Variants in SFMBT2 observed in about 807,000 individuals in gnomAD.
The protein encoded by SFMBT2 is Scm like with four mbt domains 2.
Under a neutral mutation model 110.1 loss-of-function variants are expected in SFMBT2, and 38 were observed. The ratio of observed to expected loss-of-function variants is 0.35; its 90% CI spans 0.27 to 0.45. The LOEUF (loss-of-function observed/expected upper bound fraction) is 0.45, where lower values mean the gene tolerates loss of function less well. Ranked by LOEUF, SFMBT2 falls within the 20% of genes least tolerant of loss-of-function variation. The pLI is 1.00. For missense variants in SFMBT2, 1,011 were observed against 1,094.9 expected (o/e 0.92, Z 1.08); for synonymous variants, 425 against 425.4 (o/e 1.00, Z 0.01).
chr10:7,200,556 C>T (rs1001197986), intron 13 of SFMBT2, 72 bp from the exon 14 acceptor site: 38 of 1,291,394 alleles, frequency 2.9e-5, no homozygotes, highest in Non-Finnish European at 3.8e-5. Context: ...CAAAGTCTTA[C>T]CATAATTTAA....
intron 9 of SFMBT2, among the ~76,000 whole-genome samples, chr10:7,236,916 C>T (rs578091663): frequency 1.3e-5 from 2 of 152,232 alleles, no homozygotes; most frequent in East Asian, 3.9e-4. Context: ...CTTCTACGAT[C>T]AAAAGAAAAT....
At chr10:7,185,694 C>T (rs1051822854) in intron 16 of SFMBT2, among the ~76,000 whole-genome samples, 1 of 152,166 alleles carries the variant, frequency 6.6e-6, no homozygotes, top group Admixed American at 6.6e-5. Context: ...AAGCTTCTGC[C>T]TGGCTTTTAT....
Position 7,403,445 on chromosome 10 carries a change from C to T in SFMBT2, c.-52+7416G>A, listed in dbSNP as rs534928090. Among the ~76,000 whole-genome samples the T allele has an allele frequency of 4.6e-5, 7 of 152,146 alleles. No individual in the cohort carries two copies. The East Asian group carries it at 1.2e-3, about 25-fold the overall frequency. On this transcript the variant is annotated intron_variant, in intron 1 of 20. Transcript: ENST00000397167. ...ATCACTTGAGGTCAGGAGTTCAACA[C>T]CAGCCTGGCCAACATGGTGAAACCC...
intron 4 of SFMBT2, among the ~76,000 whole-genome samples, chr10:7,290,040 T>C (rs1360418711): frequency 1.3e-5 from 2 of 152,192 alleles, no homozygotes; most frequent in Non-Finnish European, 2.9e-5. Context: ...CATTATCTTA[T>C]TCTTCAAATT....
intron 20 of SFMBT2, among the ~76,000 whole-genome samples, chr10:7,165,543 T>G (rs188228427): frequency 3.3e-5 from 5 of 152,262 alleles, no homozygotes; most frequent in Non-Finnish European, 7.3e-5. Flanking sequence ...TAATAAGTAC[T>G]GTAGCAATAA....
intron 4 of SFMBT2, among the ~76,000 whole-genome samples, chr10:7,359,767 C>G (rs1844653924): frequency 6.6e-6 from 1 of 152,218 alleles, no homozygotes; most frequent in Non-Finnish European, 1.5e-5. Flanking sequence ...TGGACAGCAG[C>G]TTTCTACCCT....
chr10:7,194,987 C>T (rs1024143954), intron 15 of SFMBT2, among the ~76,000 whole-genome samples: 12 of 152,210 alleles, frequency 7.9e-5, no homozygotes, highest in Middle Eastern at 3.2e-3. Context: ...ATTTCAACAA[C>T]GGAACACGTC....
chr10:7,208,757 C>T (rs1304272746), intron 11 of SFMBT2, among the ~76,000 whole-genome samples: 1 of 151,990 alleles, frequency 6.6e-6, no homozygotes, highest in Admixed American at 6.6e-5. Context: ...CTTTCATCTT[C>T]CAATGTTCTG....
At chr10:7,295,586 C>T (rs573566172) in intron 4 of SFMBT2, among the ~76,000 whole-genome samples, 1 of 152,362 alleles carries the variant, frequency 6.6e-6, no homozygotes, top group Admixed American at 6.5e-5. Context: ...ATACAACTAA[C>T]AGCACACCAC....
At chr10:7,396,508 T>C (rs1404498623) in intron 1 of SFMBT2, among the ~76,000 whole-genome samples, 1 of 152,150 alleles carries the variant, frequency 6.6e-6, no homozygotes, top group African/African-American at 2.4e-5. Context: ...TTAGGCAAAT[T>C]TGGGTAGAAG....
chr10:7,320,640 G>A (rs749512475), intron 4 of SFMBT2: 472 of 978,948 alleles, frequency 4.8e-4, no homozygotes, highest in Non-Finnish European at 5.4e-4. Context: ...ACCATTCTGG[G>A]AGGTTAAGTA....
chr10:7,244,009 G>A (rs1464192556), intron 8 of SFMBT2: 3 of 633,300 alleles, frequency 4.7e-6, no homozygotes, highest in Non-Finnish European at 3.9e-6. Context: ...ATGAATGGAG[G>A]AAGTCAGACA....
intron 7 of SFMBT2, among the ~76,000 whole-genome samples, chr10:7,251,524 G>A (rs1840811388): frequency 6.6e-6 from 1 of 152,150 alleles, no homozygotes. Flanking sequence ...CCCATCAGCG[G>A]GAAATGAGTC....
intron 4 of SFMBT2, among the ~76,000 whole-genome samples, chr10:7,361,858 C>G (rs558378788): frequency 2.6e-5 from 4 of 152,166 alleles, no homozygotes; most frequent in Admixed American, 2.6e-4. Context: ...CAATCTTCCA[C>G]GAGCATCTTT....
intron 7 of SFMBT2, among the ~76,000 whole-genome samples, chr10:7,251,589 C>T (rs1438993205): frequency 3.3e-5 from 5 of 152,170 alleles, no homozygotes; most frequent in Admixed American, 6.6e-5. Flanking sequence ...TAAACCCTTT[C>T]ATCTTTGGAA....
chr10:7,283,754 T>C lies in SFMBT2; in HGVS notation c.772+150A>G, dbSNP rs1842012344. The C allele has an allele frequency of 7.4e-6, 5 of 677,404 alleles. No individual in the cohort carries two copies. In the East Asian group the frequency reaches 1.0e-4, roughly 14 times the overall value. The allele number at this position is 677,404 out of a possible 1,614,324, so 42.0% of individuals were successfully genotyped here. A position where few individuals can be genotyped will look rare whatever the true frequency, so the allele number is the denominator to read the frequency against. ...TTGAGGTCTTAGGTTTTAGTCTCTA[T>C]GGAAAGCATTGTGAAGTTAAAGTGC... is the stretch of plus-strand genomic sequence containing the variant. On this transcript the variant is annotated intron_variant, in intron 6 of 20. Transcript: ENST00000397167.
chr10:7,208,686 C>CA (rs5782957), intron 11 of SFMBT2, among the ~76,000 whole-genome samples: 2 of 140,174 alleles, frequency 1.4e-5, no homozygotes, highest in African/African-American at 2.7e-5. Flanking sequence ...AATTCCATCT[C>CA]AAAAAAAAAA....
At chr10:7,219,626 A>G in intron 11 of SFMBT2, 1 of 293,712 alleles carries the variant, frequency 3.4e-6, no homozygotes, top group Non-Finnish European at 5.1e-6. Flanking sequence ...GAACTAGGAG[A>G]GCTAACTTTA....
At chr10:7,312,872 G>A (rs1237527411) in intron 4 of SFMBT2, among the ~76,000 whole-genome samples, 1 of 152,196 alleles carries the variant, frequency 6.6e-6, no homozygotes, top group Non-Finnish European at 1.5e-5. Flanking sequence ...TCCAGAAGGA[G>A]AGGGACAGCA....
Sources: allele counts gnomAD v4.1 joint callset (sites outside exome capture counted in the v4.1 genomes callset), GRCh38; gene constraint gnomAD v4.1.1; transcripts MANE v1.5; gene names NCBI Gene and HGNC (gene_info 2026-07-23, HGNC 2026-07-21).